ZNF205: variants seen among roughly 807,000 people sequenced by gnomAD.
The protein encoded by ZNF205 is zinc finger protein 205.
A neutral mutation model predicts 53.6 loss-of-function variants in ZNF205; 32 were observed. That is an observed-to-expected ratio of 0.60 (90% CI 0.45 to 0.80). The LOEUF is 0.80. ZNF205 is among the 30% of genes least tolerant of loss of function. The pLI, the probability that ZNF205 is intolerant of heterozygous loss-of-function variation, is 0.00. For missense variants in ZNF205, 836 were observed against 782.4 expected, an observed-to-expected ratio of 1.07 and a Z score of -0.82; for synonymous variants, 382 against 334.3, an observed-to-expected ratio of 1.14 and a Z score of -1.56.
At chr16:3,116,143 T>G (rs2294150) in intron 4 of ZNF205, 258,728 of 653,870 alleles carry the variant, frequency 0.4, 52,941 homozygotes, top group African/African-American at 0.47. Context: ...CTCTCGCTGG[T>G]AGCCGTTGGG....
At chr16:3,114,710 T>C (rs1289728561) in intron 2 of ZNF205, 1 of 152,214 alleles carries the variant, frequency 6.6e-6, no homozygotes, top group Admixed American at 6.6e-5. Flanking sequence ...TCTCTCACAG[T>C]CCTGGAGGCC....
intron 5 of ZNF205, among the ~76,000 whole-genome samples, chr16:3,118,012 CTTTTTTTT>C (rs71158135): frequency 9.4e-5 from 7 of 74,296 alleles, no homozygotes; most frequent in South Asian, 8.1e-4. Context: ...CCATGCCCGG[CTTTTTTTT>C]TTTTTTTTTT....
rs558086377 is a variant in ZNF205, at chr16:3,119,353, C to G, written c.693C>G (p.Gly231=). 1 of 1,612,760 alleles carries G rather than the reference C, an allele frequency of 6.2e-7. No homozygotes were observed. Among genetic ancestry groups the G allele is most frequent in the East Asian group, 2.2e-5 (1 of 44,870 alleles). ...CCAGGGCAGGGAGAGTCCAGTGGGG[C>G]GTCCCGCAGTGCGCGCAGGAAGCAG... The part of the protein sequence containing the change: ...FRTRAGRVQW[G]VPQCAQEAAC... Residue 231 remains glycine, a synonymous_variant, in exon 7 of 7, where the codon GGC becomes GGG. Coordinates refer to ENST00000219091, the MANE Select transcript of ZNF205 (RefSeq NM_001042428.2).
At chr16:3,115,333 C>T (rs111904195) in intron 2 of ZNF205, 22 bp from the exon 3 acceptor site, 5 of 1,537,916 alleles carry the variant, frequency 3.3e-6, no homozygotes, top group Non-Finnish European at 4.4e-6. Context: ...CATCTGGGTG[C>T]TGATGGGGCT....
intron 2 of ZNF205, among the ~76,000 whole-genome samples, chr16:3,113,777 T>C (rs866174988): frequency 4.6e-5 from 7 of 152,200 alleles, no homozygotes; most frequent in African/African-American, 1.4e-4. Context: ...CAGGGAAACC[T>C]GTTCTCCTTC....
At chr16:3,115,735 TGGGTCGGGCCAG>T (rs1469329781) in intron 3 of ZNF205, 82 bp from the exon 4 acceptor site, 1 of 1,418,160 alleles carries the variant, frequency 7.1e-7, no homozygotes, top group Non-Finnish European at 9.6e-7. Flanking sequence ...ACCCTGTCCT[TGGGTCGGGCCAG>T]GGGTGGAGTT....
intron 1 of ZNF205, chr16:3,112,893 G>C (rs1957285998): frequency 5.1e-6 from 1 of 197,824 alleles, no homozygotes; most frequent in Non-Finnish European, 1.0e-5. Flanking sequence ...GCAGCTGCAG[G>C]GGGGCTGCTG....
In ZNF205 at chr16:3,119,597, T is replaced by A. The variant is rs774630233; in HGVS notation, c.937T>A (p.Cys313Ser). The change falls in exon 7 of 7, where the codon TGC becomes AGC. Residue 313 changes from cysteine to serine, a missense_variant. Physicochemically the swap from Cys to Ser is moderately radical, Grantham distance 112 (BLOSUM62 -1). Transcript: ENST00000219091. ...VGRKSYRCEQ[C>S]GKGFSWHSHL... ...CAGGAAGAGCTACCGGTGCGAGCAG[T>A]GCGGCAAGGGCTTCAGCTGGCACTC... is the stretch of plus-strand genomic sequence containing the variant. 6.2e-7 allele frequency: 1 copy of A among 1,610,006 alleles called. No individual in the cohort carries two copies. Among genetic ancestry groups the A allele is most frequent in the South Asian group, 1.1e-5 (1 of 90,748 alleles).
At position 3,120,468 on chromosome 16, in the gene ZNF205, G is replaced by A. The variant is rs1596301309; in HGVS notation, c.*143G>A. ...GTGAGGCATGGCGATGGGGGAGGGC[G>A]AGGGCGAGAAAGGGCAGGCACTCTG... On this transcript the variant is annotated 3_prime_UTR_variant, in exon 7 of 7. Transcript: ENST00000219091. The A allele has an allele frequency of 8.8e-6, 9 of 1,021,766 alleles. No homozygotes were observed. Among genetic ancestry groups the A allele is most frequent in the South Asian group, 3.4e-5 (2 of 58,766 alleles). 63.3% of individuals were successfully genotyped at this position (1,021,766 alleles called of 1,614,324 possible).
rs368598089 is a variant in ZNF205, at chr16:3,118,932, C to T, written c.512C>T (p.Ala171Val). 6 of 1,613,538 alleles carry T rather than the reference C, an allele frequency of 3.7e-6. No individual in the cohort carries two copies. Among genetic ancestry groups the T allele is most frequent in the East Asian group, 4.5e-5 (2 of 44,898 alleles). Residue 171 changes from alanine to valine, a missense_variant, in exon 6 of 7, where the codon GCC becomes GTC. Ala to Val is a moderately conservative substitution (Grantham distance 64). Transcript: ENST00000219091. ...TTTCCCTTCAGCAGGCCTTTCTGGG[C>T]CCCTCAAGCGCACGGCAAGGGTGAG... ...LGFPFSRPFW[A>V]PQAHGKGEAS...
chr16:3,118,910 C>T lies in ZNF205; in HGVS notation c.490C>T (p.Pro164Ser). Residue 164 changes from proline (P) to serine (S), a missense_variant, in exon 6 of 7, where the codon CCC (proline) becomes TCC (serine). Transcript: ENST00000219091. ...QKKNGLSLGFPFSRPFWAPQA... is the reference protein window; with the variant it reads ...QKKNGLSLGFSFSRPFWAPQA... Reference sequence around the variant, plus strand: ...CAGCATCTCTTTCTGGGCAGGCTTTCCCTTCAGCAGGCCTTTCTGGGCCCC... The same window carrying T: ...CAGCATCTCTTTCTGGGCAGGCTTTTCCTTCAGCAGGCCTTTCTGGGCCCC... The T allele has an allele frequency of 6.2e-7, 1 of 1,613,296 alleles. No individual in the cohort carries two copies. Among genetic ancestry groups the T allele is most frequent in the Admixed American group, 1.7e-5 (1 of 59,946 alleles).
Position 3,119,964 on chromosome 16 carries a change from T to C in ZNF205, c.1304T>C (p.Leu435Pro). ...CAKCFTQSSA[L>P]VTHQRTHTGV... is the part of the protein sequence containing the mutation. ...AAGTGCTTCACGCAGAGCTCGGCGC[T>C]AGTCACCCACCAGCGCACCCACACT... The change falls in exon 7 of 7, where the codon CTA becomes CCA. Residue 435 changes from leucine to proline, a missense_variant. By Grantham distance (98) the Leu-to-Pro change is moderately conservative. Transcript: ENST00000219091. 6.2e-7 allele frequency: 1 copy of C among 1,613,564 alleles called. No homozygotes were observed. The highest frequency in any genetic ancestry group is 1.3e-5 in the African/African-American group (1 of 75,016).
chr16:3,115,423 C>CT lies in ZNF205; in HGVS notation c.126_127insT (p.Thr43TyrfsTer8), dbSNP rs1555447717. On this transcript the variant is annotated frameshift_variant, in exon 3 of 7. Coordinates refer to ENST00000219091, the MANE Select transcript of ZNF205 (RefSeq NM_001042428.2). LOFTEE classifies it high-confidence loss of function. The stretch of plus-strand genomic sequence containing the variant: ...TGGGGGAGGCGGTACCTTCAGGGGA[C>CT]ACTCAGGAGTCACTGCACATTAAGA... The CT allele has an allele frequency of 1.2e-6, 2 of 1,611,746 alleles. No homozygotes were observed. The highest frequency in any genetic ancestry group is 1.7e-6 in the Non-Finnish European group (2 of 1,178,952).
chr16:3,118,826 CAT>C, intron 5 of ZNF205, 77 bp from the exon 6 acceptor site: 1 of 1,441,138 alleles, frequency 6.9e-7, no homozygotes, highest in Non-Finnish European at 9.4e-7. Flanking sequence ...TACTTGGGCC[CAT>C]CAGTTTTGGG....
chr16:3,116,586 A>G (rs224178), intron 5 of ZNF205, 39 bp downstream of exon 5: 634,897 of 1,598,826 alleles, frequency 0.4, 127,913 homozygotes, highest in Admixed American at 0.5. Context: ...GGTGTTAGGG[A>G]GAGGTCCTGC....
At position 3,119,590 on chromosome 16, in the gene ZNF205, C is replaced by T. The variant is rs770008584; in HGVS notation, c.930C>T (p.Cys310=). Residue 310 remains cysteine, a synonymous_variant, in exon 7 of 7, where the codon TGC becomes TGT. Coordinates refer to ENST00000219091, the MANE Select transcript of ZNF205 (RefSeq NM_001042428.2). The part of the protein sequence containing the change: ...DSEVGRKSYR[C]EQCGKGFSWH... The stretch of plus-strand genomic sequence containing the variant: ...AGGTGGGCAGGAAGAGCTACCGGTG[C>T]GAGCAGTGCGGCAAGGGCTTCAGCT... 23 of 1,608,566 alleles carry T rather than the reference C, an allele frequency of 1.4e-5. No individual in the cohort carries two copies. In the East Asian group the frequency reaches 4.5e-4, roughly 31 times the overall value.
chr16:3,112,891 A>G (rs1380007346), intron 1 of ZNF205: 3 of 197,706 alleles, frequency 1.5e-5, no homozygotes, highest in Non-Finnish European at 2.1e-5. Context: ...TTGCAGCTGC[A>G]GGGGGGCTGC....
rs373737783 is a variant in ZNF205, at chr16:3,119,822, G to A, written c.1162G>A (p.Gly388Arg). 1.2e-6 allele frequency: 2 copies of A among 1,613,654 alleles called. No individual in the cohort carries two copies. The highest frequency in any genetic ancestry group is 1.3e-5 in the African/African-American group (1 of 74,984). Reference sequence around the variant, plus strand: ...GATTCAGCACCAGCGCATCCACACCGGAGAGAAGCCCTACGTGTGCGACCG... The same window carrying A: ...GATTCAGCACCAGCGCATCCACACCAGAGAGAAGCCCTACGTGTGCGACCG... ...TLIQHQRIHT[G>R]EKPYVCDRCA... The change falls in exon 7 of 7, where the codon GGA (glycine) becomes AGA (arginine). Residue 388 changes from glycine (G) to arginine (R), a missense_variant. Gly to Arg is a moderately radical substitution (Grantham distance 125). Transcript: ENST00000219091.
At position 3,120,428 on chromosome 16, in the gene ZNF205, C is replaced by A. The variant is rs966275097; in HGVS notation, c.*103C>A. ...GAGGGGCTCGGGAAGGGAGCTGGGG[C>A]GGTGAGGGCATGGGGTGAGGCATGG... On this transcript the variant is annotated 3_prime_UTR_variant, in exon 7 of 7. Coordinates refer to ENST00000219091, the MANE Select transcript of ZNF205 (RefSeq NM_001042428.2). The A allele has an allele frequency of 2.3e-6, 3 of 1,318,656 alleles. No homozygotes were observed. The highest frequency in any genetic ancestry group is 3.0e-6 in the Non-Finnish European group (3 of 993,812). 81.7% of individuals were successfully genotyped at this position (1,318,656 alleles called of 1,614,324 possible).
Sources: allele counts gnomAD v4.1 joint callset (sites outside exome capture counted in the v4.1 genomes callset), GRCh38; gene constraint gnomAD v4.1.1; transcripts MANE v1.5; gene names NCBI Gene and HGNC (gene_info 2026-07-23, HGNC 2026-07-21).